Variants in BTAF1 observed in about 807,000 individuals in gnomAD.
The protein encoded by BTAF1 is B-TFIID TATA-box binding protein associated factor 1.
Under a neutral mutation model 227.1 loss-of-function variants are expected in BTAF1, and 38 were observed. That is an observed-to-expected ratio of 0.17 (90% CI 0.13 to 0.22). The LOEUF is 0.22. BTAF1 is among the 10% of genes least tolerant of loss of function. BTAF1 has a pLI of 1.00. For missense variants in BTAF1, 1,598 were observed against 2,204.0 expected, an observed-to-expected ratio of 0.73 and a Z score of 5.51; for synonymous variants, 742 against 751.9, an observed-to-expected ratio of 0.99 and a Z score of 0.21.
intron 33 of BTAF1, among the ~76,000 whole-genome samples, chr10:92,018,573 C>A (rs1022738961): frequency 6.6e-6 from 1 of 152,092 alleles, no homozygotes; most frequent in Non-Finnish European, 1.5e-5. Context: ...ACAATTTATA[C>A]GCGTTGTAAA....
At position 91,951,386 on chromosome 10, in the gene BTAF1, T is replaced by G. The variant is rs754415503; in HGVS notation, c.401-17T>G. ...CTTAACTGATTTGGAGAAAACGTAT[T>G]TCTTTTCTGTTGAAAGGTGAAGTGG... On this transcript the variant is annotated splice_polypyrimidine_tract_variant and intron_variant, in intron 4 of 37. Coordinates refer to ENST00000265990, the MANE Select transcript of BTAF1 (RefSeq NM_003972.3). The G allele has an allele frequency of 6.2e-7, 1 of 1,600,316 alleles. No homozygotes were observed.
intron 28 of BTAF1, among the ~76,000 whole-genome samples, chr10:92,009,956 A>G (rs1850185087): frequency 6.6e-6 from 1 of 152,242 alleles, no homozygotes; most frequent in African/African-American, 2.4e-5. Context: ...TGTGTTAATA[A>G]TAGCAAATAT....
At chr10:92,001,985 T>TATATATAC (rs1491424232) in intron 25 of BTAF1, among the ~76,000 whole-genome samples, 1 of 73,374 alleles carries the variant, frequency 1.4e-5, no homozygotes, top group African/African-American at 4.3e-5. Context: ...TATATATATA[T>TATATATAC]ACACACACAC....
At chr10:92,014,844 G>A (rs1850600900) in intron 32 of BTAF1, among the ~76,000 whole-genome samples, 1 of 152,134 alleles carries the variant, frequency 6.6e-6, no homozygotes, top group Non-Finnish European at 1.5e-5. Context: ...ACACCTAGAT[G>A]GTATAGCCAA....
intron 25 of BTAF1, among the ~76,000 whole-genome samples, chr10:91,998,956 A>T (rs1172374832): frequency 2.0e-5 from 3 of 151,910 alleles, no homozygotes; most frequent in Non-Finnish European, 2.9e-5. Flanking sequence ...CCAGCTACTC[A>T]GGAGGCTGAT....
At chr10:91,988,727 T>G (rs1377145909) in intron 19 of BTAF1, among the ~76,000 whole-genome samples, 2 of 152,262 alleles carry the variant, frequency 1.3e-5, no homozygotes, top group East Asian at 3.8e-4. Flanking sequence ...CAGCCACTCT[T>G]AAGTTTTCAC....
chr10:91,955,709 A>G (rs1038022233), intron 6 of BTAF1, among the ~76,000 whole-genome samples: 1 of 152,184 alleles, frequency 6.6e-6, no homozygotes, highest in Non-Finnish European at 1.5e-5. Flanking sequence ...TACAAGGACA[A>G]ATGCCTGCAA....
chr10:91,996,364 T>C lies in BTAF1; in HGVS notation c.3310-5T>C. ...TTCTAATTGCCATTAACTTTTTGTT[T>C]TTAGTTGGTCCAGCATTTGCCACAT... On this transcript the variant is annotated splice_polypyrimidine_tract_variant and splice_region_variant and intron_variant, in intron 23 of 37. Coordinates refer to ENST00000265990, the MANE Select transcript of BTAF1 (RefSeq NM_003972.3). The C allele has an allele frequency of 6.2e-7, 1 of 1,612,974 alleles. No homozygotes were observed. The highest frequency in any genetic ancestry group is 8.5e-7 in the Non-Finnish European group (1 of 1,179,252).
intron 20 of BTAF1, 65 bp downstream of exon 20, chr10:91,989,645 T>C (rs943324409): frequency 2.4e-5 from 34 of 1,408,606 alleles, no homozygotes; most frequent in Non-Finnish European, 3.0e-5. Context: ...TGTTTACTTA[T>C]GGGTATAATT....
rs190876263 is a variant in BTAF1 at position 91,984,361 on chromosome 10, G to A, written c.2384G>A (p.Arg795Gln). Residue 795 changes from arginine (R) to glutamine (Q), a missense_variant, in exon 19 of 38, where the codon CGA becomes CAA. Coordinates refer to ENST00000265990, the MANE Select transcript of BTAF1 (RefSeq NM_003972.3). ...GATGTACATATTGAAGTTGGTAATC[G>A]AGTAAACAACAATGTTTTAACAATA... Reference protein sequence around the residue: ...LADVHIEVGNRVNNNVLTIDQ... With the variant: ...LADVHIEVGNQVNNNVLTIDQ... 26 of 1,612,718 alleles carry A rather than the reference G, an allele frequency of 1.6e-5. No homozygotes were observed. In the Admixed American group the frequency reaches 1.8e-4, roughly 11 times the overall value.
chr10:91,974,113 C>A (rs1181927345), intron 14 of BTAF1, among the ~76,000 whole-genome samples: 1 of 152,098 alleles, frequency 6.6e-6, no homozygotes, highest in East Asian at 1.9e-4. Context: ...GTAGCTGTGT[C>A]CTGGTTTCAG....
Position 92,029,688 on chromosome 10 carries a change from A to G in BTAF1, c.*755A>G, listed in dbSNP as rs1851769335. The G allele has an allele frequency of 6.6e-6, 1 of 151,934 alleles. No homozygotes were observed. Among genetic ancestry groups the G allele is most frequent in the African/African-American group, 2.4e-5 (1 of 41,388 alleles). The allele number at this position is 151,934 out of a possible 1,614,324, so 9.4% of individuals were successfully genotyped here. ...CTCAATAGGTTTCAATCATATATAT[A>G]ATATATTTTTTGTAACTATGAACAT... On this transcript the variant is annotated 3_prime_UTR_variant, in exon 38 of 38. Transcript: ENST00000265990.
At position 91,940,679 on chromosome 10, in the gene BTAF1, T is replaced by C. The variant is rs1275537287; in HGVS notation, c.253+613T>C. Among the ~76,000 whole-genome samples the C allele has an allele frequency of 3.3e-5, 5 of 151,886 alleles. No individual in the cohort carries two copies. The East Asian group carries it at 7.7e-4, about 23-fold the overall frequency. The stretch of plus-strand genomic sequence containing the variant: ...TTTTATTATTTTGTTTTATTTTATT[T>C]ATTTTATTTTATTTTATTTTTTCGA... On this transcript the variant is annotated intron_variant, in intron 3 of 37. Transcript: ENST00000265990.
intron 23 of BTAF1, among the ~76,000 whole-genome samples, chr10:91,996,100 G>C (rs1222211230): frequency 2.0e-5 from 3 of 152,186 alleles, no homozygotes; most frequent in African/African-American, 7.2e-5. Context: ...GGAAAGAATT[G>C]AGTGTTCCTA....
intron 14 of BTAF1, among the ~76,000 whole-genome samples, chr10:91,969,816 T>C (rs1440661975): frequency 2.0e-5 from 3 of 151,880 alleles, no homozygotes; most frequent in Non-Finnish European, 4.4e-5. Context: ...ATACCAAAAT[T>C]AGCTGGGCAT....
At chr10:91,958,131 C>T (rs1474732774) in intron 8 of BTAF1, among the ~76,000 whole-genome samples, 1 of 152,132 alleles carries the variant, frequency 6.6e-6, no homozygotes, top group East Asian at 1.9e-4. Flanking sequence ...TCTCTGCAAC[C>T]TCCGCCACCC....
chr10:91,992,335 TGCTTTGA>T (rs1589902911), intron 21 of BTAF1, 26 bp downstream of exon 21: 3 of 1,454,896 alleles, frequency 2.1e-6, no homozygotes, highest in Non-Finnish European at 1.9e-6. Flanking sequence ...TTTTTTTTAA[TGCTTTGA>T]TTTTTAAACA....
chr10:91,978,641 T>G (rs1327648642), intron 14 of BTAF1, among the ~76,000 whole-genome samples: 1 of 151,974 alleles, frequency 6.6e-6, no homozygotes, highest in African/African-American at 2.4e-5. Context: ...AACACTGTAT[T>G]TAGTGCTTTA....
chr10:92,007,527 A>G (rs1850008591), intron 25 of BTAF1, among the ~76,000 whole-genome samples: 1 of 152,118 alleles, frequency 6.6e-6, no homozygotes, highest in South Asian at 2.1e-4. Flanking sequence ...CTCGCTTATC[A>G]AGGACATTTT....
Sources: allele counts gnomAD v4.1 joint callset (sites outside exome capture counted in the v4.1 genomes callset), GRCh38; gene constraint gnomAD v4.1.1; transcripts MANE v1.5; gene names NCBI Gene and HGNC (gene_info 2026-07-23, HGNC 2026-07-21).